Variants in PDE3A observed in about 807,000 individuals in gnomAD.
The protein encoded by PDE3A is cGMP-inhibited 3',5'-cyclic phosphodiesterase 3A.
PDE3A carries 43 observed loss-of-function variants against 98.3 expected under a neutral mutation model. That is an observed-to-expected ratio of 0.44 (90% CI 0.34 to 0.56). The LOEUF (loss-of-function observed/expected upper bound fraction) is 0.56. Ranked by LOEUF, PDE3A falls within the 20% of genes least tolerant of loss-of-function variation. The pLI, the probability that PDE3A is intolerant of heterozygous loss-of-function variation, is 0.01. For synonymous variants in PDE3A, 663 were observed against 567.9 expected (o/e 1.17, Z -2.38); for missense variants, 1,427 against 1,440.7 (o/e 0.99, Z 0.15).
intron 1 of PDE3A, among the ~76,000 whole-genome samples, chr12:20,501,641 T>G (rs1309802125): frequency 6.6e-6 from 1 of 152,190 alleles, no homozygotes; most frequent in Non-Finnish European, 1.5e-5. Flanking sequence ...CCAGAAGAGT[T>G]ACTTTTTGTT....
At chr12:20,628,752 A>G (rs1177538938) in intron 5 of PDE3A, among the ~76,000 whole-genome samples, 1 of 152,228 alleles carries the variant, frequency 6.6e-6, no homozygotes, top group African/African-American at 2.4e-5. Context: ...ACAAAAAGAA[A>G]TAACAGCGCC....
intron 1 of PDE3A, among the ~76,000 whole-genome samples, chr12:20,554,696 C>G (rs553195063): frequency 2.0e-5 from 3 of 151,982 alleles, no homozygotes; most frequent in African/African-American, 4.8e-5. Context: ...AAGCGATTCT[C>G]CTGCCTCAAC....
chr12:20,445,772 A>G (rs1292165097), intron 1 of PDE3A, among the ~76,000 whole-genome samples: 1 of 152,148 alleles, frequency 6.6e-6, no homozygotes, highest in East Asian at 1.9e-4. Flanking sequence ...ATATAGAGCC[A>G]TTGCCCTGTA....
intron 1 of PDE3A, among the ~76,000 whole-genome samples, chr12:20,471,619 C>G (rs74066420): frequency 0.055 from 8,344 of 152,124 alleles, 263 homozygotes; most frequent in Middle Eastern, 0.065. Context: ...TTTCTGTTGC[C>G]TCAAGTTTTC....
chr12:20,513,752 A>G (rs1946268262), intron 1 of PDE3A, among the ~76,000 whole-genome samples: 1 of 152,208 alleles, frequency 6.6e-6, no homozygotes, highest in Non-Finnish European at 1.5e-5. Flanking sequence ...CATCTGATAG[A>G]GATTCCACTG....
chr12:20,534,054 C>T (rs1242461796), intron 1 of PDE3A, among the ~76,000 whole-genome samples: 2 of 152,144 alleles, frequency 1.3e-5, no homozygotes, highest in Non-Finnish European at 2.9e-5. Flanking sequence ...CCCCACTACC[C>T]GACCTACTTT....
intron 1 of PDE3A, among the ~76,000 whole-genome samples, chr12:20,406,959 C>A (rs565248125): frequency 2.6e-5 from 4 of 152,248 alleles, no homozygotes; most frequent in Admixed American, 6.5e-5. Flanking sequence ...CATATTCTTT[C>A]CCCATTGTTT....
intron 2 of PDE3A, among the ~76,000 whole-genome samples, chr12:20,611,273 T>C (rs556923052): frequency 1.3e-5 from 2 of 151,930 alleles, no homozygotes; most frequent in African/African-American, 4.8e-5. Context: ...CTATGTATCC[T>C]AAAATTATTA....
At chr12:20,620,816 C>CA (rs11335379) in intron 4 of PDE3A, among the ~76,000 whole-genome samples, 2,763 of 146,800 alleles carry the variant, frequency 0.019, 56 homozygotes, top group African/African-American at 0.061. Context: ...GGAAATAATG[C>CA]AAAAAAAAAA....
At chr12:20,467,700 G>T (rs1241541229) in intron 1 of PDE3A, among the ~76,000 whole-genome samples, 1 of 151,878 alleles carries the variant, frequency 6.6e-6, no homozygotes, top group Non-Finnish European at 1.5e-5. Flanking sequence ...ATTTTGGGAG[G>T]CCAAGGTGGG....
chr12:20,529,256 C>T (rs758557758), intron 1 of PDE3A, among the ~76,000 whole-genome samples: 1 of 152,154 alleles, frequency 6.6e-6, no homozygotes, highest in Non-Finnish European at 1.5e-5. Flanking sequence ...ATCAATACCA[C>T]TTACCAAGCA....
intron 9 of PDE3A, among the ~76,000 whole-genome samples, chr12:20,639,151 T>C (rs1159497913): frequency 6.6e-6 from 1 of 152,110 alleles, no homozygotes; most frequent in African/African-American, 2.4e-5. Context: ...TCATTACAGG[T>C]ACCAACCACT....
chr12:20,570,234 C>A (rs910931677), intron 2 of PDE3A, among the ~76,000 whole-genome samples: 2 of 151,514 alleles, frequency 1.3e-5, no homozygotes, highest in Non-Finnish European at 2.9e-5. Context: ...TGGTGAAATG[C>A]CATCTCTACT....
chr12:20,454,945 G>T (rs1000351631), intron 1 of PDE3A, among the ~76,000 whole-genome samples: 1 of 152,128 alleles, frequency 6.6e-6, no homozygotes, highest in African/African-American at 2.4e-5. Flanking sequence ...ATGTGCATTT[G>T]TCTTTATGAC....
At chr12:20,521,732 A>T (rs747659235) in intron 1 of PDE3A, among the ~76,000 whole-genome samples, 3 of 152,058 alleles carry the variant, frequency 2.0e-5, no homozygotes, top group Admixed American at 6.6e-5. Flanking sequence ...CTCAATAGGG[A>T]AGGTACTAGG....
At chr12:20,609,328 A>G (rs991809089) in intron 2 of PDE3A, among the ~76,000 whole-genome samples, 23 of 152,012 alleles carry the variant, frequency 1.5e-4, no homozygotes, top group Non-Finnish European at 5.9e-5. Context: ...ACAATAGCAT[A>G]AAAAATACTT....
At chr12:20,586,201 G>A (rs7976038) in intron 2 of PDE3A, among the ~76,000 whole-genome samples, 119,079 of 152,104 alleles carry the variant, frequency 0.78, 46,762 homozygotes, top group South Asian at 0.82. Context: ...AGATTTCCTA[G>A]GAAGAGAGAA....
intron 1 of PDE3A, among the ~76,000 whole-genome samples, chr12:20,510,595 G>A (rs1344293398): frequency 6.6e-6 from 1 of 152,052 alleles, no homozygotes; most frequent in Non-Finnish European, 1.5e-5. Flanking sequence ...GGATGGATTA[G>A]GCAAAGGATT....
At chr12:20,399,968 A>C (rs1944090938) in intron 1 of PDE3A, among the ~76,000 whole-genome samples, 1 of 152,232 alleles carries the variant, frequency 6.6e-6, no homozygotes, top group Non-Finnish European at 1.5e-5. Flanking sequence ...GAATTAGAAG[A>C]AAGAACAAGT....
Sources: gnomAD v4.1 joint callset for allele counts (sites outside exome capture counted in the v4.1 genomes callset) on GRCh38, gnomAD v4.1.1 for gene constraint, MANE v1.5 for transcripts, NCBI Gene and HGNC (gene_info 2026-07-23, HGNC 2026-07-21) for gene names.